The following OSGEP variants were observed in gnomAD, a reference collection of about 807,000 sequenced individuals.
OSGEP encodes O-sialoglycoprotein endopeptidase.
Under a neutral mutation model 44.1 loss-of-function variants are expected in OSGEP, and 39 were observed. The observed-to-expected ratio is 0.88, with a 90% CI of 0.69 to 1.16. OSGEP has a LOEUF of 1.16. Ranked by LOEUF, OSGEP falls within the 50% of genes most tolerant of loss-of-function variation. The pLI, the probability that OSGEP is intolerant of heterozygous loss-of-function variation, is 0.00. For missense variants in OSGEP, 403 were observed against 443.1 expected (o/e 0.91, Z 0.81); for synonymous variants, 139 against 161.9 (o/e 0.86, Z 1.07).
At position 20,452,408 on chromosome 14, in the gene OSGEP, A is replaced by T; in HGVS notation, c.156T>A (p.Val52=). ...GTGCCTCCTGCAGCAGGTCTAGGATAACAGCTCGGTGATGCCTGGCTGTAT... is the reference window on the plus strand; with the variant it reads ...GTGCCTCCTGCAGCAGGTCTAGGATTACAGCTCGGTGATGCCTGGCTGTAT... ...PGDTARHHRA[V]ILDLLQEALT... Residue 52 remains valine, a synonymous_variant, in exon 2 of 11, where the codon GTT becomes GTA. Coordinates refer to ENST00000206542, the MANE Select transcript of OSGEP (RefSeq NM_017807.4). The T allele has an allele frequency of 6.2e-7, 1 of 1,613,840 alleles. No individual in the cohort carries two copies. The highest frequency in any genetic ancestry group is 8.5e-7 in the Non-Finnish European group (1 of 1,179,754).
Position 20,452,154 on chromosome 14 carries a change from G to C in OSGEP, c.236-5C>G, listed in dbSNP as rs61278338. ...GTGGGGCACCCATGCCAGGGCCTAGGGAGATAGAAATGGAAGTTATAATCC... is the reference window on the plus strand; with the variant it reads ...GTGGGGCACCCATGCCAGGGCCTAGCGAGATAGAAATGGAAGTTATAATCC... On this transcript the variant is annotated splice_region_variant and splice_polypyrimidine_tract_variant and intron_variant, in intron 2 of 10. Coordinates refer to ENST00000206542, the MANE Select transcript of OSGEP (RefSeq NM_017807.4). 5.2e-3 allele frequency: 8,284 copies of C among 1,603,758 alleles called. 296 individuals carry two copies. In the African/African-American group the frequency reaches 0.088, roughly 17 times the overall value.
rs1880995769 is a variant in OSGEP at position 20,447,926 on chromosome 14, G to T, written c.771C>A (p.Ala257=). 1 of 1,612,302 alleles carries T rather than the reference G, an allele frequency of 6.2e-7. No individual in the cohort carries two copies. The highest frequency in any genetic ancestry group is 8.5e-7 in the Non-Finnish European group (1 of 1,178,342). Residue 257 remains alanine, a synonymous_variant, in exon 8 of 11, where the codon GCC becomes GCA. Transcript: ENST00000206542. ...RAMAHCGSQE[A]LIVGGVGCNV... ...TACACCCCACTCCTCCCACAATGAGGGCCTCCTGGGAGCCACAATGTGCCA... is the reference window on the plus strand; with the variant it reads ...TACACCCCACTCCTCCCACAATGAGTGCCTCCTGGGAGCCACAATGTGCCA...
intron 3 of OSGEP, chr14:20,450,663 G>C (rs553630801): frequency 5.3e-5 from 8 of 152,332 alleles, no homozygotes; most frequent in Admixed American, 3.3e-4. Flanking sequence ...TGGGAAACAT[G>C]TGCCTCATCT....
In OSGEP at chr14:20,446,965, T is replaced by A; in HGVS notation, c.*275A>T. 3.9e-5 allele frequency: 15 copies of A among 384,482 alleles called. No homozygotes were observed. The highest frequency in any genetic ancestry group is 4.7e-5 in the Non-Finnish European group (10 of 214,098). The allele number at this position is 384,482 out of a possible 1,614,324, so 23.8% of individuals were successfully genotyped here. On this transcript the variant is annotated 3_prime_UTR_variant, in exon 11 of 11. Coordinates refer to ENST00000206542, the MANE Select transcript of OSGEP (RefSeq NM_017807.4). ...TCTTAAAAAAAAAAAAAAAGATACC[T>A]CATTCTTGGTTCCACAGCAGCAAGC...
intron 5 of OSGEP, 39 bp downstream of exon 5, chr14:20,448,925 C>A (rs1416108494): frequency 1.9e-6 from 3 of 1,608,400 alleles, no homozygotes; most frequent in East Asian, 2.2e-5. Context: ...ATCCCTGAAG[C>A]CCCAGCAGCC....
Position 20,452,051 on chromosome 14 carries a change from C to A in OSGEP, c.334G>T (p.Gly112Cys). 1 of 1,613,856 alleles carries A rather than the reference C, an allele frequency of 6.2e-7. No individual in the cohort carries two copies. The highest frequency in any genetic ancestry group is 8.5e-7 in the Non-Finnish European group (1 of 1,180,000). Reference sequence around the variant, plus strand: ...ATGAGGCGGCCCATCTCAATGTGGCCTATACAGTGGTTCACACCCACCAAT... The same window carrying A: ...ATGAGGCGGCCCATCTCAATGTGGCATATACAGTGGTTCACACCCACCAAT... ...KPLVGVNHCI[G>C]HIEMGRLITG... The change falls in exon 3 of 11, where the codon GGC becomes TGC. Residue 112 changes from glycine to cysteine, a missense_variant. Physicochemically the swap from Gly to Cys is radical, Grantham distance 159 (BLOSUM62 -3). Coordinates refer to ENST00000206542, the MANE Select transcript of OSGEP (RefSeq NM_017807.4).
Position 20,448,105 on chromosome 14 carries a change from C to T in OSGEP, c.702+1G>A. ...TCTGTCCCAGTTTTTTACTGCATTA[C>T]CTGCAGGGAGAAACACAGATCCTCA... On this transcript the variant is annotated splice_donor_variant, in intron 7 of 10. Coordinates refer to ENST00000206542, the MANE Select transcript of OSGEP (RefSeq NM_017807.4). LOFTEE classifies it high-confidence loss of function. 6.2e-7 allele frequency: 1 copy of T among 1,611,850 alleles called. No individual in the cohort carries two copies. Among genetic ancestry groups the T allele is most frequent in the Non-Finnish European group, 8.5e-7 (1 of 1,177,842 alleles).
Position 20,447,247 on chromosome 14 carries a change from C to T in OSGEP, c.1001G>A (p.Arg334Lys), listed in dbSNP as rs2139288738. 2 of 1,614,016 alleles carry T rather than the reference C, an allele frequency of 1.2e-6. No individual in the cohort carries two copies. Among genetic ancestry groups the T allele is most frequent in the East Asian group, 2.2e-5 (1 of 44,878 alleles). ...YRTDEVEVTW[R>K]D ...CTGATTCTGTTGATCTTATTAGTCC[C>T]TCCAGGTCACCTCTACTTCATCTGT... Residue 334 changes from arginine to lysine, a missense_variant, in exon 11 of 11, where the codon AGG (arginine) becomes AAG (lysine). Coordinates refer to ENST00000206542, the MANE Select transcript of OSGEP (RefSeq NM_017807.4).
chr14:20,447,507 T>C lies in OSGEP; in HGVS notation c.883A>G (p.Asn295Asp). ...CCAGCCTGGGCTATCATCGCTCCAT[T>C]GTCAATACAGAATCTGGGATGCAAG... Reference protein sequence around the residue: ...FATDERFCIDNGAMIAQAGWE... With the variant: ...FATDERFCIDDGAMIAQAGWE... The change falls in exon 10 of 11, where the codon AAT (asparagine) becomes GAT (aspartate). Residue 295 changes from asparagine (N) to aspartate (D), a missense_variant. Transcript: ENST00000206542. The C allele has an allele frequency of 1.9e-6, 3 of 1,614,034 alleles. No homozygotes were observed. Among genetic ancestry groups the C allele is most frequent in the South Asian group, 1.1e-5 (1 of 91,074 alleles).
In OSGEP at chr14:20,447,085, A is replaced by G. The variant is rs1238684806; in HGVS notation, c.*155T>C. The G allele has an allele frequency of 4.4e-6, 3 of 681,038 alleles. No individual in the cohort carries two copies. The highest frequency in any genetic ancestry group is 2.5e-5 in the East Asian group (1 of 40,280). 42.2% of individuals were successfully genotyped at this position (681,038 alleles called of 1,614,324 possible). The stretch of plus-strand genomic sequence containing the variant: ...AAAACCAAAAAACCAAAAATATTTT[A>G]TTGCTGAGTCATCCTGGGGTTCCAT... On this transcript the variant is annotated 3_prime_UTR_variant, in exon 11 of 11. Transcript: ENST00000206542.
Position 20,449,266 on chromosome 14 carries a change from C to CT in OSGEP, c.412-1_412insA (p.Val138SerfsTer22). Reference sequence around the variant, plus strand: ...TAACGATGTTCCGAGTATGCAATCACCTAAGGGTGATGAGGAAGTCCATGA... The same window carrying CT: ...TAACGATGTTCCGAGTATGCAATCACTCTAAGGGTGATGAGGAAGTCCATGA... On this transcript the variant is annotated frameshift_variant and splice_region_variant. Transcript: ENST00000206542. LOFTEE classifies it high-confidence loss of function. 6.3e-7 allele frequency: 1 copy of CT among 1,591,834 alleles called. No individual in the cohort carries two copies. The highest frequency in any genetic ancestry group is 8.6e-7 in the Non-Finnish European group (1 of 1,159,760).
rs1881228364 is a variant in OSGEP at position 20,454,788 on chromosome 14, A to C, written c.-105T>G. The C allele has an allele frequency of 2.5e-6, 2 of 804,382 alleles. No homozygotes were observed. Among genetic ancestry groups the C allele is most frequent in the African/African-American group, 1.7e-5 (1 of 57,970 alleles). 49.8% of individuals were successfully genotyped at this position (804,382 alleles called of 1,614,324 possible). Reference sequence around the variant, plus strand: ...CCGCAGCTTTCCGGAGCGCAGAGGAAGCTGGCCAGCCTGCAGATAGCACTG... The same window carrying C: ...CCGCAGCTTTCCGGAGCGCAGAGGACGCTGGCCAGCCTGCAGATAGCACTG... On this transcript the variant is annotated 5_prime_UTR_variant, in exon 1 of 11. Transcript: ENST00000206542.
intron 3 of OSGEP, 186 bp from the exon 4 acceptor site, chr14:20,449,452 CCT>C (rs1215655725): frequency 1.7e-6 from 1 of 574,924 alleles, no homozygotes; most frequent in East Asian, 3.0e-5. Context: ...ATCTGTATAC[CCT>C]GAGGATTCCA....
At position 20,447,272 on chromosome 14, in the gene OSGEP, T is replaced by C; in HGVS notation, c.976A>G (p.Thr326Ala). 1 of 1,614,178 alleles carries C rather than the reference T, an allele frequency of 6.2e-7. No individual in the cohort carries two copies. The highest frequency in any genetic ancestry group is 1.3e-5 in the African/African-American group (1 of 75,062). ...CTCCAGGTCACCTCTACTTCATCTGTCCGATACCTGTGGAAAAACAGAAGA... is the reference window on the plus strand; with the variant it reads ...CTCCAGGTCACCTCTACTTCATCTGCCCGATACCTGTGGAAAAACAGAAGA... Reference protein sequence around the residue: ...SDSGVTQRYRTDEVEVTWRD With the variant: ...SDSGVTQRYRADEVEVTWRD Residue 326 changes from threonine (T) to alanine (A), a missense_variant, in exon 11 of 11, where the codon ACA becomes GCA. Physicochemically the swap from Thr to Ala is moderately conservative, Grantham distance 58. Transcript: ENST00000206542.
Position 20,452,103 on chromosome 14 carries a change from A to G in OSGEP, c.282T>C (p.Arg94=), listed in dbSNP as rs1256946241. 3 of 1,613,414 alleles carry G rather than the reference A, an allele frequency of 1.9e-6. No individual in the cohort carries two copies. The highest frequency in any genetic ancestry group is 8.5e-7 in the Non-Finnish European group (1 of 1,179,732). The change falls in exon 3 of 11, where the codon CGT becomes CGC. Residue 94 remains arginine (R), a synonymous_variant. Coordinates refer to ENST00000206542, the MANE Select transcript of OSGEP (RefSeq NM_017807.4). ...GCTTATTCCACAGTTGGGCCACAGT[A>G]CGGGCCACAACAGCCACAGAAACCA... ...APLVSVAVVA[R]TVAQLWNKPL... is the part of the protein sequence containing the mutation.
chr14:20,448,459 TTTC>T (rs1881015795), intron 6 of OSGEP, among the ~76,000 whole-genome samples: 1 of 152,192 alleles, frequency 6.6e-6, no homozygotes, highest in Non-Finnish European at 1.5e-5. Context: ...TATTTTCCTC[TTTC>T]TTATCTCCCC....
At chr14:20,451,416 C>T (rs902756192) in intron 3 of OSGEP, 2 of 191,380 alleles carry the variant, frequency 1.0e-5, no homozygotes, top group Admixed American at 1.2e-4. Context: ...AAGTGATTCT[C>T]CTGCCCAGCC....
Position 20,448,287 on chromosome 14 carries a change from C to T in OSGEP, c.637-116G>A, listed in dbSNP as rs879003622. On this transcript the variant is annotated intron_variant, in intron 6 of 10. Transcript: ENST00000206542. ...GTTTCACCACAATTCAAGTTACCAG[C>T]ACATCCTGTACCACATTCCCTTCAC... 3.6e-6 allele frequency: 3 copies of T among 830,288 alleles called. No homozygotes were observed. In the South Asian group the frequency reaches 4.1e-5, roughly 11 times the overall value. 51.4% of individuals were successfully genotyped at this position (830,288 alleles called of 1,614,324 possible). A position where few individuals can be genotyped will look rare whatever the true frequency, so the allele number is the denominator to read the frequency against.
At position 20,447,532 on chromosome 14, in the gene OSGEP, GA is replaced by G. The variant is rs1398200540; in HGVS notation, c.870-13del. 3.1e-6 allele frequency: 5 copies of G among 1,609,332 alleles called. No homozygotes were observed. Among genetic ancestry groups the G allele is most frequent in the African/African-American group, 1.4e-5 (1 of 72,306 alleles). ...TGTCAATACAGAATCTGGGATGCAA[GA>G]GAGATGAAAATTGGGATCTAAGGGT... On this transcript the variant is annotated splice_polypyrimidine_tract_variant and intron_variant, in intron 9 of 10. Transcript: ENST00000206542.
Sources: allele counts gnomAD v4.1 joint callset (sites outside exome capture counted in the v4.1 genomes callset), GRCh38; gene constraint gnomAD v4.1.1; transcripts MANE v1.5; gene names NCBI Gene and HGNC (gene_info 2026-07-23, HGNC 2026-07-21).